Variants in CR1 observed in about 807,000 individuals in gnomAD.
CR1 encodes complement C3b/C4b receptor 1 (Knops blood group).
A neutral mutation model predicts 187.3 loss-of-function variants in CR1; 116 were observed. That is an observed-to-expected ratio of 0.62 (90% CI 0.53 to 0.72). CR1 has a LOEUF of 0.72. CR1 is among the 30% of genes least tolerant of loss of function. The pLI is 0.00. For missense variants in CR1, 1,731 were observed against 2,110.7 expected (o/e 0.82, Z 3.52); for synonymous variants, 576 against 747.1 (o/e 0.77, Z 3.73).
chr1:207,637,909 C>G lies in CR1; in HGVS notation c.7458-1488C>G, dbSNP rs113638686. On this transcript the variant is annotated intron_variant, in intron 46 of 46. Transcript: ENST00000367049. Reference sequence around the variant, plus strand: ...TGAAACACAAGCAAAACCTCTCCCCCACGTCACCACCTTCCCTATTTCCCA... The same window carrying G: ...TGAAACACAAGCAAAACCTCTCCCCGACGTCACCACCTTCCCTATTTCCCA... 2.0e-5 allele frequency among the ~76,000 whole-genome samples: 3 copies of G among 152,302 alleles called. No homozygotes were observed. The East Asian group carries it at 5.8e-4, about 29-fold the overall frequency.
Position 207,581,952 on chromosome 1 carries a change from G to A in CR1, c.5251G>A (p.Val1751Ile). The A allele has an allele frequency of 6.2e-7, 1 of 1,613,350 alleles. No individual in the cohort carries two copies. Among genetic ancestry groups the A allele is most frequent in the Non-Finnish European group, 8.5e-7 (1 of 1,179,466 alleles). ...AAAGGGCAGTTCCGTTAGTCATTGTGTCTTGGTTGGAATGAGAAGCCTTTG... is the reference window on the plus strand; with the variant it reads ...AAAGGGCAGTTCCGTTAGTCATTGTATCTTGGTTGGAATGAGAAGCCTTTG... ...RLKGSSVSHC[V>I]LVGMRSLWNN... The change falls in exon 32 of 47, where the codon GTC (valine) becomes ATC (isoleucine). Residue 1751 changes from valine to isoleucine, a missense_variant. Coordinates refer to ENST00000367049, the MANE Select transcript of CR1 (RefSeq NM_000651.6).
chr1:207,600,219 G>A (rs1661566574), intron 35 of CR1, among the ~76,000 whole-genome samples: 2 of 152,108 alleles, frequency 1.3e-5, no homozygotes, highest in African/African-American at 2.4e-5. Context: ...GGGATTGAGA[G>A]CATTATTTTT....
chr1:207,505,391 T>C (rs1309472115), intron 1 of CR1, among the ~76,000 whole-genome samples: 1 of 151,608 alleles, frequency 6.6e-6, no homozygotes, highest in Non-Finnish European at 1.5e-5. Context: ...CTCAAACTCC[T>C]GACCTCAAGT....
chr1:207,516,807 ATT>A (rs1216393836), intron 4 of CR1, among the ~76,000 whole-genome samples: 1 of 152,024 alleles, frequency 6.6e-6, no homozygotes, highest in African/African-American at 2.4e-5. Context: ...GCTCCAGCAA[ATT>A]TGTTAAATTT....
intron 5 of CR1, among the ~76,000 whole-genome samples, chr1:207,525,847 G>A (rs1401236250): frequency 6.6e-6 from 1 of 151,960 alleles, no homozygotes; most frequent in Non-Finnish European, 1.5e-5. Context: ...CAGCATCAGA[G>A]TATTTACAAA....
At chr1:207,630,736 A>T in intron 46 of CR1, 115 bp downstream of exon 46, 1 of 600,548 alleles carries the variant, frequency 1.7e-6, no homozygotes, top group South Asian at 3.4e-5. Context: ...AAGAATTTAG[A>T]AAGTACTTCA....
intron 35 of CR1, among the ~76,000 whole-genome samples, chr1:207,601,605 A>G (rs1302589542): frequency 6.6e-6 from 1 of 152,262 alleles, no homozygotes; most frequent in African/African-American, 2.4e-5. Flanking sequence ...AAAAAAAATT[A>G]TTATTATACC....
At chr1:207,590,860 A>AAGAGCATT (rs1661248750) in intron 35 of CR1, among the ~76,000 whole-genome samples, 1 of 152,220 alleles carries the variant, frequency 6.6e-6, no homozygotes, top group East Asian at 1.9e-4. Flanking sequence ...CAAAAGAGAC[A>AAGAGCATT]AGAGCATTAC....
chr1:207,601,267 G>T (rs1436212362), intron 35 of CR1, among the ~76,000 whole-genome samples: 1 of 151,982 alleles, frequency 6.6e-6, no homozygotes, highest in Non-Finnish European at 1.5e-5. Flanking sequence ...TTTAATACTT[G>T]ATAAAAATAT....
intron 3 of CR1, 84 bp from the exon 4 acceptor site, chr1:207,511,485 G>A (rs1558217769): frequency 5.1e-6 from 7 of 1,360,474 alleles, no homozygotes; most frequent in Non-Finnish European, 6.3e-6. Flanking sequence ...AATCCTATAA[G>A]AGTGTAATCT....
chr1:207,593,538 C>T (rs539910597), intron 35 of CR1, among the ~76,000 whole-genome samples: 1 of 152,156 alleles, frequency 6.6e-6, no homozygotes, highest in Admixed American at 6.5e-5. Flanking sequence ...CCATTCAGGA[C>T]ATAGGCATGG....
intron 4 of CR1, among the ~76,000 whole-genome samples, chr1:207,512,990 A>G (rs891308687): frequency 9.2e-5 from 14 of 152,318 alleles, no homozygotes; most frequent in African/African-American, 3.4e-4. Context: ...AAGAGAATCC[A>G]GTCTCCCATC....
chr1:207,634,744 C>T (rs1415565680), intron 46 of CR1, among the ~76,000 whole-genome samples: 23 of 152,184 alleles, frequency 1.5e-4, no homozygotes, highest in Admixed American at 2.6e-4. Flanking sequence ...AAATCCACTA[C>T]TGCAGCTCAT....
chr1:207,514,224 G>A (rs1659714802), intron 4 of CR1, among the ~76,000 whole-genome samples: 1 of 151,844 alleles, frequency 6.6e-6, no homozygotes, highest in Admixed American at 6.6e-5. Context: ...TTTATATATG[G>A]CAAATATGCT....
chr1:207,573,797 G>C (rs988600858), intron 27 of CR1, among the ~76,000 whole-genome samples: 1 of 152,100 alleles, frequency 6.6e-6, no homozygotes, highest in Non-Finnish European at 1.5e-5. Context: ...AGAGTAAGAA[G>C]AGTTAACCAA....
chr1:207,617,507 A>ATGTGTGTGTGTGTGTG (rs1167357538), intron 41 of CR1, among the ~76,000 whole-genome samples: 8 of 47,028 alleles, frequency 1.7e-4, no homozygotes, highest in African/African-American at 5.1e-4. Flanking sequence ...ATATATATAT[A>ATGTGTGTGTGTGTGTG]TGTGTGTGTG....
chr1:207,521,046 G>A (rs1425652987), intron 4 of CR1, among the ~76,000 whole-genome samples: 2 of 139,726 alleles, frequency 1.4e-5, no homozygotes, highest in African/African-American at 2.7e-5. Context: ...GGGATATCTC[G>A]GCTCACTGCA....
intron 35 of CR1, among the ~76,000 whole-genome samples, chr1:207,606,770 G>A (rs1035715231): frequency 2.0e-5 from 3 of 151,980 alleles, no homozygotes; most frequent in Non-Finnish European, 2.9e-5. Flanking sequence ...GTCTCTTCTG[G>A]CTCTCATTTA....
chr1:207,588,417 G>A (rs764408946), intron 34 of CR1, among the ~76,000 whole-genome samples: 7 of 151,974 alleles, frequency 4.6e-5, no homozygotes, highest in African/African-American at 7.3e-5. Flanking sequence ...GTGATCTGCC[G>A]GCCTCGGCCT....
Sources: allele counts gnomAD v4.1 joint callset (sites outside exome capture counted in the v4.1 genomes callset), GRCh38; gene constraint gnomAD v4.1.1; transcripts MANE v1.5; gene names NCBI Gene and HGNC (gene_info 2026-07-23, HGNC 2026-07-21).